The following COL5A3 variants were observed in gnomAD, a reference collection of about 807,000 sequenced individuals.
COL5A3 encodes the protein collagen alpha-3(V) chain.
COL5A3 carries 172 observed loss-of-function variants against 250.0 expected under a neutral mutation model. That is an observed-to-expected ratio of 0.69 (90% CI 0.61 to 0.78). The LOEUF (loss-of-function observed/expected upper bound fraction) is 0.78. Among genes scored for constraint, COL5A3 ranks in the 30% least tolerant of loss-of-function variants. COL5A3 has a pLI of 0.00. For missense variants in COL5A3, 2,340 were observed against 2,334.4 expected (o/e 1.00, Z -0.05); for synonymous variants, 937 against 900.4 (o/e 1.04, Z -0.73).
At position 9,976,611 on chromosome 19, in the gene COL5A3, C is replaced by G; in HGVS notation, c.3289G>C (p.Gly1097Arg). ...CGTATCCCTGGTTGTCCAGGTGGGC[C>G]CTGGGAGAACAGGAAACAGAATCAA... ...KGSKGDKGDA[G>R]PPGQPGIRGP... The change falls in exon 45 of 67, where the codon GGC (glycine) becomes CGC (arginine). Residue 1097 changes from glycine to arginine, a missense_variant and splice_region_variant. Physicochemically the swap from Gly to Arg is moderately radical, Grantham distance 125 (BLOSUM62 -2). Transcript: ENST00000264828. 6.3e-7 allele frequency: 1 copy of G among 1,575,426 alleles called. No homozygotes were observed. The highest frequency in any genetic ancestry group is 8.6e-7 in the Non-Finnish European group (1 of 1,164,404).
At position 9,977,482 on chromosome 19, in the gene COL5A3, G is replaced by T; in HGVS notation, c.3127-10C>A. On this transcript the variant is annotated splice_polypyrimidine_tract_variant and intron_variant, in intron 42 of 66. Transcript: ENST00000264828. ...GGGGGCCACGTTCTCCCTGTTGTGG[G>T]GAATGGAAAGGGGGATGTCAGGGCA... The T allele has an allele frequency of 6.6e-7, 1 of 1,509,556 alleles. No homozygotes were observed. The highest frequency in any genetic ancestry group is 1.3e-5 in the South Asian group (1 of 75,042). The allele number at this position is 1,509,556 out of a possible 1,614,324, so 93.5% of individuals were successfully genotyped here.
At chr19:9,975,205 G>C (rs1337537713) in intron 45 of COL5A3, among the ~76,000 whole-genome samples, 1 of 152,058 alleles carries the variant, frequency 6.6e-6, no homozygotes, top group African/African-American at 2.4e-5. Context: ...CTCCCAAGTA[G>C]CTGGGATTAC....
intron 40 of COL5A3, 94 bp downstream of exon 40, chr19:9,978,797 C>G (rs1454669336): frequency 1.9e-6 from 2 of 1,049,884 alleles, no homozygotes; most frequent in Non-Finnish European, 2.6e-6. Flanking sequence ...TTCATCATTT[C>G]CCGCACCCCA....
chr19:9,984,098 A>G (rs1006502279), intron 31 of COL5A3, among the ~76,000 whole-genome samples: 2 of 151,686 alleles, frequency 1.3e-5, no homozygotes, highest in African/African-American at 4.8e-5. Context: ...ATCTCAGCTC[A>G]CTGCATCCTC....
chr19:10,006,430 G>A (rs1043940413), intron 1 of COL5A3, among the ~76,000 whole-genome samples, 199 bp from the exon 2 acceptor site: 1 of 151,188 alleles, frequency 6.6e-6, no homozygotes, highest in Admixed American at 6.6e-5. Context: ...CAGATGTTCC[G>A]ACCTCAGCAG....
chr19:9,979,352 G>A lies in COL5A3; in HGVS notation c.2766+12C>T, dbSNP rs1301790576. 6.2e-7 allele frequency: 1 copy of A among 1,614,072 alleles called. No individual in the cohort carries two copies. On this transcript the variant is annotated intron_variant, in intron 38 of 66. Coordinates refer to ENST00000264828, the MANE Select transcript of COL5A3 (RefSeq NM_015719.4). ...GTACAAAACAAGGGAGGTTTATGGA[G>A]TCCACTCTGACCTGAGGGCCTAAGA...
chr19:10,004,136 GA>G lies in COL5A3; in HGVS notation c.603del (p.Gln202ArgfsTer4), dbSNP rs760617576. On this transcript the variant is annotated frameshift_variant, in exon 5 of 67. Coordinates refer to ENST00000264828, the MANE Select transcript of COL5A3 (RefSeq NM_015719.4). LOFTEE classifies it high-confidence loss of function. ...GGATCTGGGCTTATCAGCAGCTCCT[GA>G]ATGTCTCCCTGGGGGTTGGGGGTGT... ...DLGEKTFEGD[I>X]QELLISPDPQ... is the part of the protein sequence containing the mutation. 6.2e-7 allele frequency: 1 copy of G among 1,613,364 alleles called. No homozygotes were observed. The highest frequency in any genetic ancestry group is 1.1e-5 in the South Asian group (1 of 91,070).
At chr19:9,996,003 T>C in intron 15 of COL5A3, 63 bp downstream of exon 15, 1 of 1,419,596 alleles carries the variant, frequency 7.0e-7, no homozygotes, top group South Asian at 1.5e-5. Context: ...TCCAGCACTG[T>C]ATCTTGTGGT....
chr19:9,972,182 T>C (rs1229902464), intron 51 of COL5A3, among the ~76,000 whole-genome samples: 1 of 152,254 alleles, frequency 6.6e-6, no homozygotes, highest in Admixed American at 6.5e-5. Flanking sequence ...TACTCATTCA[T>C]CCATTCATTC....
At chr19:9,999,578 C>T (rs981494353) in intron 8 of COL5A3, among the ~76,000 whole-genome samples, 5 of 150,070 alleles carry the variant, frequency 3.3e-5, no homozygotes, top group Non-Finnish European at 7.4e-5. Flanking sequence ...CGCCATTCTG[C>T]CTCAGCCTCC....
intron 27 of COL5A3, among the ~76,000 whole-genome samples, chr19:9,988,304 T>G (rs78132453): frequency 6.6e-6 from 1 of 152,200 alleles, no homozygotes; most frequent in Admixed American, 6.5e-5. Flanking sequence ...AGGGTGATGC[T>G]TGCCAGACTC....
Position 9,960,084 on chromosome 19 carries a change from C to T in COL5A3, c.*327G>A. ...GAGGCAGGCATTGGGGGTGGGGGGG[C>T]TTTTGTTCATCAGCTCTGAGTTAGA... On this transcript the variant is annotated 3_prime_UTR_variant, in exon 67 of 67. Transcript: ENST00000264828. The T allele has an allele frequency of 3.6e-6, 1 of 278,336 alleles. No individual in the cohort carries two copies. Among genetic ancestry groups the T allele is most frequent in the South Asian group, 4.8e-5 (1 of 21,024 alleles). The allele number at this position is 278,336 out of a possible 1,614,324, so 17.2% of individuals were successfully genotyped here.
chr19:9,982,006 C>T (rs549338282), intron 32 of COL5A3, 59 bp downstream of exon 32: 1 of 1,331,220 alleles, frequency 7.5e-7, no homozygotes, highest in East Asian at 2.3e-5. Context: ...GACACAACCA[C>T]ACATGCTGTT....
rs73005181 is a variant in COL5A3, at chr19:9,989,220, C to T, written c.2092-43G>A. ...TCAGTGCCATTCTAGACAGTCCCTT[C>T]CACATTCTAAGAGCCCTCATCTCTC... is the stretch of plus-strand genomic sequence containing the variant. On this transcript the variant is annotated intron_variant, in intron 26 of 66. Coordinates refer to ENST00000264828, the MANE Select transcript of COL5A3 (RefSeq NM_015719.4). 0.021 allele frequency: 34,444 copies of T among 1,613,134 alleles called. 496 individuals carry two copies. Among genetic ancestry groups the T allele is most frequent in the Admixed American group, 0.047 (2,823 of 59,998 alleles).
Position 9,967,994 on chromosome 19 carries a change from C to G in COL5A3, c.4368+32G>C, listed in dbSNP as rs755405036. 3.1e-6 allele frequency: 5 copies of G among 1,596,720 alleles called. No homozygotes were observed. In the South Asian group the frequency reaches 4.6e-5, roughly 15 times the overall value. Reference sequence around the variant, plus strand: ...TCCTGGCCTGGACCACCACAGTGACCTCATCCCACAAAAGATTCCCTGCAT... The same window carrying G: ...TCCTGGCCTGGACCACCACAGTGACGTCATCCCACAAAAGATTCCCTGCAT... On this transcript the variant is annotated intron_variant, in intron 60 of 66. Transcript: ENST00000264828.
At position 9,986,438 on chromosome 19, in the gene COL5A3, G is replaced by C. The variant is rs768508588; in HGVS notation, c.2245-16C>G. 42 of 1,612,102 alleles carry C rather than the reference G, an allele frequency of 2.6e-5. No homozygotes were observed. The Admixed American group carries it at 6.7e-4, about 26-fold the overall frequency. ...CGGGTTTCCCCTGGAAGAAAAAGGA[G>C]AGTATTTAATATCCATCTTTTGTCC... On this transcript the variant is annotated splice_polypyrimidine_tract_variant and intron_variant, in intron 29 of 66. Coordinates refer to ENST00000264828, the MANE Select transcript of COL5A3 (RefSeq NM_015719.4).
intron 15 of COL5A3, 75 bp from the exon 16 acceptor site, chr19:9,995,692 A>C (rs1467051866): frequency 8.5e-7 from 1 of 1,172,714 alleles, no homozygotes. Context: ...ATTAAAAAAA[A>C]TTAGAGATGG....
chr19:10,004,942 G>A (rs1007141852), intron 4 of COL5A3, among the ~76,000 whole-genome samples: 4 of 152,016 alleles, frequency 2.6e-5, no homozygotes, highest in East Asian at 1.9e-4. Context: ...CCAAGTAGGC[G>A]CTGTCACAAT....
chr19:9,996,095 T>C lies in COL5A3; in HGVS notation c.1504A>G (p.Lys502Glu). The C allele has an allele frequency of 6.3e-7, 1 of 1,584,684 alleles. No individual in the cohort carries two copies. Among genetic ancestry groups the C allele is most frequent in the Non-Finnish European group, 8.6e-7 (1 of 1,166,550 alleles). ...PVGLPGHPGL[K>E]GEEGAEGPQG... is the part of the protein sequence containing the mutation. ...GGCCCTTCTGCTCCCTCCTCTCCTT[T>C]CAGACCTGGATGCCCGGGGAGACCC... The change falls in exon 15 of 67, where the codon AAA (lysine) becomes GAA (glutamate). Residue 502 changes from lysine (K) to glutamate (E), a missense_variant. Physicochemically the swap from Lys to Glu is moderately conservative, Grantham distance 56. Coordinates refer to ENST00000264828, the MANE Select transcript of COL5A3 (RefSeq NM_015719.4).
Sources: gnomAD v4.1 joint callset for allele counts (sites outside exome capture counted in the v4.1 genomes callset) on GRCh38, gnomAD v4.1.1 for gene constraint, MANE v1.5 for transcripts, NCBI Gene and HGNC (gene_info 2026-07-23, HGNC 2026-07-21) for gene names.